The following CENPM variants were observed in gnomAD, a reference collection of about 807,000 sequenced individuals.
CENPM encodes centromere protein M.
CENPM carries 14 observed loss-of-function variants against 19.6 expected under a neutral mutation model. That is an observed-to-expected ratio of 0.71 (90% CI 0.47 to 1.11). CENPM has a LOEUF of 1.11. CENPM is among the 50% of genes most tolerant of loss of function. The pLI, the probability that CENPM is intolerant of heterozygous loss-of-function variation, is 0.00. For synonymous variants in CENPM, 114 were observed against 101.5 expected (o/e 1.12, Z -0.74); for missense variants, 239 against 228.4 (o/e 1.05, Z -0.30).
At chr22:41,932,206 C>A in the CENPM span, among the ~76,000 whole-genome samples, 1 of 152,332 alleles carries the variant, frequency 6.6e-6, no homozygotes, top group South Asian at 2.1e-4. This position sits in a 1 kb window ranked among gnomAD's most constrained non-coding sequence, Gnocchi z 4.3. Flanking sequence ...GCGCCAGGAC[C>A]ACCCCTTGTG....
At chr22:41,940,669 G>A (rs1225525853) in intron 5 of CENPM, among the ~76,000 whole-genome samples, 8 of 152,260 alleles carry the variant, frequency 5.3e-5, no homozygotes, top group East Asian at 1.9e-4. Context: ...GTGAGCTACC[G>A]TGCCCAGCAG....
chr22:41,933,291 CCT>C, the CENPM span, among the ~76,000 whole-genome samples: 1 of 151,950 alleles, frequency 6.6e-6, no homozygotes, highest in Non-Finnish European at 1.5e-5. Context: ...CCAGGCAGCC[CCT>C]GAGCCTGCCA....
At position 41,938,915 on chromosome 22, in the gene CENPM, G is replaced by T; in HGVS notation, c.*141C>A. ...CTTCTGCCCAGCTCTCCCTGCTGCA[G>T]CACTGGCACTGCAGGGAACCTTCCC... On this transcript the variant is annotated 3_prime_UTR_variant, in exon 6 of 6. Transcript: ENST00000215980. The T allele has an allele frequency of 9.2e-7, 1 of 1,091,992 alleles. No homozygotes were observed. The highest frequency in any genetic ancestry group is 1.3e-6 in the Non-Finnish European group (1 of 763,136). 67.6% of individuals were successfully genotyped at this position (1,091,992 alleles called of 1,614,324 possible).
chr22:41,946,097 A>G (rs1349806429), intron 2 of CENPM, 92 bp from the exon 3 acceptor site: 4 of 1,151,298 alleles, frequency 3.5e-6, no homozygotes, highest in Non-Finnish European at 1.3e-6. Context: ...AGAGGCCGTC[A>G]AGGGCTCCCC....
At position 41,945,974 on chromosome 22, in the gene CENPM, T is replaced by G. The variant is rs765836243; in HGVS notation, c.169A>C (p.Ser57Arg). Reference protein sequence around the residue: ...HLAKSLPLPSSVNRPRIDLIV... With the variant: ...HLAKSLPLPSRVNRPRIDLIV... ...AGGTCAATTCGGGGCCGATTCACAC[T>G]GGAGGGCAAAGGGAGGGACTTTGCC... The change falls in exon 3 of 6, where the codon AGT becomes CGT. Residue 57 changes from serine (S) to arginine (R), a missense_variant. Physicochemically the swap from Ser to Arg is moderately radical, Grantham distance 110. Coordinates refer to ENST00000215980, the MANE Select transcript of CENPM (RefSeq NM_024053.5). 1.2e-6 allele frequency: 2 copies of G among 1,613,918 alleles called. No individual in the cohort carries two copies. The highest frequency in any genetic ancestry group is 2.7e-5 in the African/African-American group (2 of 74,928).
At chr22:41,943,935 T>C (rs2077768262) in intron 4 of CENPM, among the ~76,000 whole-genome samples, 1 of 152,168 alleles carries the variant, frequency 6.6e-6, no homozygotes, top group African/African-American at 2.4e-5. Context: ...TGAGTTGACA[T>C]CTAGAAATTA....
chr22:41,932,642 C>T, the CENPM span, among the ~76,000 whole-genome samples: 1 of 152,222 alleles, frequency 6.6e-6, no homozygotes, highest in Admixed American at 6.5e-5. This position sits in a 1 kb window ranked among gnomAD's most constrained non-coding sequence, Gnocchi z 4.3. Context: ...AGGACATGGG[C>T]CCTCCATGTG....
At chr22:41,932,685 C>T in the CENPM span, among the ~76,000 whole-genome samples, 1 of 152,202 alleles carries the variant, frequency 6.6e-6, no homozygotes, top group Non-Finnish European at 1.5e-5. The surrounding 1 kb of genome is among the most constrained non-coding windows in gnomAD (Gnocchi z 4.3). Flanking sequence ...CCTTTAGCCA[C>T]AGGGAGCAAA....
chr22:41,939,312 G>T, intron 5 of CENPM, 116 bp from the exon 6 acceptor site: 1 of 1,259,832 alleles, frequency 7.9e-7, no homozygotes, highest in Non-Finnish European at 1.1e-6. Flanking sequence ...GGGTAGCTCA[G>T]GTCACCACTG....
the CENPM span, among the ~76,000 whole-genome samples, chr22:41,929,935 C>CTTT: frequency 2.2e-4 from 21 of 97,656 alleles, no homozygotes; most frequent in South Asian, 3.2e-4. Context: ...TTCCCCGTGG[C>CTTT]TTTTTTTTTT....
At chr22:41,942,095 T>C (rs911551711) in intron 5 of CENPM, among the ~76,000 whole-genome samples, 3 of 152,116 alleles carry the variant, frequency 2.0e-5, no homozygotes, top group Non-Finnish European at 4.4e-5. Context: ...TTTCATCACT[T>C]TGCTTTCGGT....
chr22:41,930,534 TCA>T, the CENPM span, among the ~76,000 whole-genome samples: 2 of 151,780 alleles, frequency 1.3e-5, no homozygotes, highest in African/African-American at 4.8e-5. Context: ...AGATGGAGTT[TCA>T]CTCTTATCGC....
At chr22:41,946,953 G>T in intron 1 of CENPM, 67 bp downstream of exon 1, 1 of 1,519,192 alleles carries the variant, frequency 6.6e-7, no homozygotes, top group Non-Finnish European at 9.1e-7. Context: ...GAGCTCAGTT[G>T]ACCTAGTGGC....
the CENPM span, among the ~76,000 whole-genome samples, chr22:41,927,891 A>T: frequency 6.6e-6 from 1 of 152,204 alleles, no homozygotes; most frequent in Non-Finnish European, 1.5e-5. Context: ...ACAGCCTCGC[A>T]GCAAGGGCAC....
downstream of CENPM, among the ~76,000 whole-genome samples, chr22:41,935,713 G>A (rs1342823301): frequency 6.6e-6 from 1 of 152,118 alleles, no homozygotes; most frequent in Non-Finnish European, 1.5e-5. Context: ...CTCTGCCCTC[G>A]GGCCTATCCT....
chr22:41,946,919 C>T, intron 1 of CENPM, 101 bp downstream of exon 1: 2 of 1,220,390 alleles, frequency 1.6e-6, no homozygotes, highest in South Asian at 1.2e-5. Context: ...GCCACGGTAG[C>T]GCGCGCTGGC....
At chr22:41,927,318 C>T in the CENPM span, among the ~76,000 whole-genome samples, 17 of 152,080 alleles carry the variant, frequency 1.1e-4, no homozygotes, top group Admixed American at 2.0e-4. Context: ...TGGGGGCAGA[C>T]CAGAGCCTCC....
At chr22:41,939,408 G>T (rs78296187) in intron 5 of CENPM, among the ~76,000 whole-genome samples, 1 of 152,116 alleles carries the variant, frequency 6.6e-6, no homozygotes, top group African/African-American at 2.4e-5. Flanking sequence ...AACAACCTCC[G>T]GAGACATCCA....
downstream of CENPM, among the ~76,000 whole-genome samples, chr22:41,937,758 G>A (rs2077689915): frequency 6.6e-6 from 1 of 152,174 alleles, no homozygotes; most frequent in Non-Finnish European, 1.5e-5. Context: ...CAAGCTCCAA[G>A]AGGCAACAAC....
Sources: gnomAD v4.1 joint callset for allele counts (sites outside exome capture counted in the v4.1 genomes callset) on GRCh38, gnomAD v4.1.1 for gene constraint, Gnocchi (gnomAD v3.1) non-coding constraint, MANE v1.5 for transcripts, NCBI Gene and HGNC (gene_info 2026-07-23, HGNC 2026-07-21) for gene names.